Variants in DLG2 observed in about 807,000 individuals in gnomAD.
The protein encoded by DLG2 is disks large homolog 2.
A neutral mutation model predicts 132.5 loss-of-function variants in DLG2; 45 were observed. The observed-to-expected ratio is 0.34, with a 90% CI of 0.27 to 0.44. The LOEUF is 0.44. Ranked by LOEUF, DLG2 falls within the 20% of genes least tolerant of loss-of-function variation. The pLI is 1.00. For missense variants in DLG2, 1,045 were observed against 1,196.9 expected (o/e 0.87, Z 1.87); for synonymous variants, 424 against 419.6 (o/e 1.01, Z -0.13).
At chr11:84,935,250 A>C (rs1019326968) in intron 6 of DLG2, among the ~76,000 whole-genome samples, 3 of 152,172 alleles carry the variant, frequency 2.0e-5, no homozygotes, top group African/African-American at 7.2e-5. Context: ...TTTTCCTTAA[A>C]TATATTCTTG....
intron 11 of DLG2, among the ~76,000 whole-genome samples, chr11:84,024,187 G>A (rs974015813): frequency 9.2e-5 from 14 of 152,202 alleles, no homozygotes; most frequent in Admixed American, 7.2e-4. Flanking sequence ...CTGAAGGCAC[G>A]AGAAAGCACT....
chr11:85,267,595 T>C (rs571713107), intron 4 of DLG2, among the ~76,000 whole-genome samples: 1 of 152,046 alleles, frequency 6.6e-6, no homozygotes, highest in South Asian at 2.1e-4. Context: ...CAAAACCAAC[T>C]CAAACTAGAC....
intron 7 of DLG2, among the ~76,000 whole-genome samples, chr11:84,328,018 A>G (rs1267023729): frequency 6.6e-6 from 1 of 152,106 alleles, no homozygotes; most frequent in Non-Finnish European, 1.5e-5. Flanking sequence ...ATTGTTTCCA[A>G]GTGTCTCTTC....
At chr11:84,852,819 A>G (rs1192727504) in intron 6 of DLG2, among the ~76,000 whole-genome samples, 1 of 151,348 alleles carries the variant, frequency 6.6e-6, no homozygotes, top group Non-Finnish European at 1.5e-5. Flanking sequence ...TAAGGAGAAC[A>G]GTTTAATCTT....
intron 9 of DLG2, among the ~76,000 whole-genome samples, chr11:84,140,537 C>A (rs1159707804): frequency 6.6e-6 from 1 of 152,058 alleles, no homozygotes; most frequent in African/African-American, 2.4e-5. Context: ...TCACGAGTTC[C>A]AAAAATGCTA....
At chr11:84,702,982 C>A (rs958534204) in intron 6 of DLG2, among the ~76,000 whole-genome samples, 2 of 151,570 alleles carry the variant, frequency 1.3e-5, no homozygotes, top group African/African-American at 2.4e-5. Flanking sequence ...AGAGAATCAA[C>A]TTTTTCCTAC....
At chr11:84,960,124 T>G (rs1438020378) in intron 6 of DLG2, among the ~76,000 whole-genome samples, 1 of 152,218 alleles carries the variant, frequency 6.6e-6, no homozygotes, top group Non-Finnish European at 1.5e-5. Context: ...GAAAATAGCT[T>G]GTCTAAGGAC....
Position 84,681,516 on chromosome 11 carries a change from T to C in DLG2, c.358-146785A>G, listed in dbSNP as rs565781009. On this transcript the variant is annotated intron_variant, in intron 6 of 27. Coordinates refer to ENST00000376104, the MANE Select transcript of DLG2 (RefSeq NM_001142699.3). Reference sequence around the variant, plus strand: ...CGGTTTCAGTATTTGAACATGCAGCTTTATGCTCACAATGTGTGGTTCCAA... The same window carrying C: ...CGGTTTCAGTATTTGAACATGCAGCCTTATGCTCACAATGTGTGGTTCCAA... Among the ~76,000 whole-genome samples the C allele has an allele frequency of 6.6e-5, 10 of 152,272 alleles. 1 individual carries two copies. In the South Asian group the frequency reaches 2.1e-3, roughly 32 times the overall value.
chr11:85,209,445 C>CTTTTTTTTTTTT lies in DLG2; in HGVS notation c.187-54806_187-54795dup, dbSNP rs1164394816. ...AACTTATGGGCACAAAGAAATCAGTCTTTTTTTTTTTTTTTTTTTTTTGAG... is the reference window on the plus strand; with the variant it reads ...AACTTATGGGCACAAAGAAATCAGTCTTTTTTTTTTTTTTTTTTTTTTTTTTTTTTTTTTGAG... On this transcript the variant is annotated intron_variant, in intron 4 of 27. Transcript: ENST00000376104. Among the ~76,000 whole-genome samples the CTTTTTTTTTTTT allele has an allele frequency of 9.4e-5, 7 of 74,450 alleles. 2 individuals carry two copies. The highest frequency in any genetic ancestry group is 7.1e-5 in the Non-Finnish European group (3 of 42,538). 48.8% of individuals were successfully genotyped at this position (74,450 alleles called of 152,430 possible).
rs145415430 is a variant in DLG2 at position 84,486,791 on chromosome 11, T to A, written c.519+47779A>T. ...TCTTTCTAATTATACATGCATTCAA[T>A]AGCTCAATAGTTATTTGATACTCCT... On this transcript the variant is annotated intron_variant, in intron 7 of 27. Transcript: ENST00000376104. 7.7e-3 allele frequency among the ~76,000 whole-genome samples: 1,177 copies of A among 152,242 alleles called. 10 individuals are homozygous for A. Among genetic ancestry groups the A allele is most frequent in the Non-Finnish European group, 0.012 (835 of 67,998 alleles).
chr11:85,377,801 A>ATGTGTG (rs1177394608), intron 3 of DLG2, among the ~76,000 whole-genome samples: 136 of 95,868 alleles, frequency 1.4e-3, no homozygotes, highest in African/African-American at 4.9e-3. Flanking sequence ...ATATATATAT[A>ATGTGTG]TATGTGTGTG....
chr11:85,191,428 C>T lies in DLG2; in HGVS notation c.187-36777G>A, dbSNP rs142801654. 3.9e-3 allele frequency among the ~76,000 whole-genome samples: 598 copies of T among 152,176 alleles called. 7 individuals carry two copies. Among genetic ancestry groups the T allele is most frequent in the African/African-American group, 0.012 (516 of 41,520 alleles). ...ACACACGTTGTTCCCCCACTTCATCCTCCACCAGGTTCCACTGGCCACACA... is the reference window on the plus strand; with the variant it reads ...ACACACGTTGTTCCCCCACTTCATCTTCCACCAGGTTCCACTGGCCACACA... On this transcript the variant is annotated intron_variant, in intron 4 of 27. Transcript: ENST00000376104.
intron 6 of DLG2, among the ~76,000 whole-genome samples, chr11:84,685,403 G>C (rs1411629714): frequency 1.3e-5 from 2 of 152,154 alleles, no homozygotes; most frequent in African/African-American, 4.8e-5. Flanking sequence ...CATGATCCCA[G>C]GATTATTGGG....
intron 7 of DLG2, among the ~76,000 whole-genome samples, chr11:84,508,705 A>G (rs1471438277): frequency 1.3e-5 from 2 of 152,030 alleles, no homozygotes; most frequent in Non-Finnish European, 2.9e-5. Context: ...TGGCCATTAT[A>G]TTGCTTTTTT....
intron 18 of DLG2, among the ~76,000 whole-genome samples, chr11:83,771,369 T>C (rs1414335669): frequency 6.6e-6 from 1 of 152,232 alleles, no homozygotes; most frequent in Non-Finnish European, 1.5e-5. Flanking sequence ...TCTTTTTCTT[T>C]TTTGTAGGAA....
chr11:85,293,317 G>A (rs1272410283), intron 3 of DLG2, among the ~76,000 whole-genome samples: 2 of 152,064 alleles, frequency 1.3e-5, no homozygotes, highest in Non-Finnish European at 2.9e-5. Context: ...AATCTCTTTG[G>A]GAGGCGAACG....
At chr11:85,601,917 T>A (rs2080191226) in intron 2 of DLG2, among the ~76,000 whole-genome samples, 1 of 152,176 alleles carries the variant, frequency 6.6e-6, no homozygotes, top group Non-Finnish European at 1.5e-5. Context: ...TCCTTGATAA[T>A]CTTATCTAAT....
chr11:85,126,153 G>A lies in DLG2; in HGVS notation c.283-14418C>T, dbSNP rs535780193. ...GGCGGGAAGCCAGCAAGGCCAATGT[G>A]TCCTTTAGTTTAATGAAAGATAGGG... is the stretch of plus-strand genomic sequence containing the variant. On this transcript the variant is annotated intron_variant, in intron 5 of 27. Coordinates refer to ENST00000376104, the MANE Select transcript of DLG2 (RefSeq NM_001142699.3). 2.6e-4 allele frequency among the ~76,000 whole-genome samples: 40 copies of A among 152,262 alleles called. 1 individual carries two copies. The highest frequency in any genetic ancestry group is 9.4e-4 in the African/African-American group (39 of 41,566).
intron 18 of DLG2, among the ~76,000 whole-genome samples, chr11:83,638,765 A>AT (rs2065545993): frequency 6.6e-6 from 1 of 152,202 alleles, no homozygotes; most frequent in Non-Finnish European, 1.5e-5. Flanking sequence ...TCATAAGTTC[A>AT]TAGTGACTTG....
Sources: gnomAD v4.1 joint callset for allele counts (sites outside exome capture counted in the v4.1 genomes callset) on GRCh38, gnomAD v4.1.1 for gene constraint, MANE v1.5 for transcripts, NCBI Gene and HGNC (gene_info 2026-07-23, HGNC 2026-07-21) for gene names.